The following PIK3R5 variants were observed in gnomAD, a reference collection of about 807,000 sequenced individuals.
PIK3R5 encodes the protein phosphoinositide 3-kinase regulatory subunit 5.
In PIK3R5, 32 loss-of-function variants were observed where a neutral mutation model predicts 94.9. That is an observed-to-expected ratio of 0.34 (90% CI 0.25 to 0.45). PIK3R5 has a LOEUF of 0.45. PIK3R5 is among the 20% of genes least tolerant of loss of function. PIK3R5 has a pLI of 1.00. For missense variants in PIK3R5, 853 were observed against 1,144.6 expected, an observed-to-expected ratio of 0.75 and a Z score of 3.68; for synonymous variants, 443 against 479.4, an observed-to-expected ratio of 0.92 and a Z score of 0.99.
In PIK3R5 at chr17:8,927,375, A is replaced by G. The variant is rs370415878; in HGVS notation, c.-13-15868T>C. Among the ~76,000 whole-genome samples the G allele has an allele frequency of 9.2e-5, 14 of 152,320 alleles. No individual in the cohort carries two copies. The East Asian group carries it at 1.7e-3, about 19-fold the overall frequency. On this transcript the variant is annotated intron_variant, in intron 1 of 18. Transcript: ENST00000447110. ...GGCCAGGCCGTAATGAGGTTCCCCA[A>G]ATCCCCTGCCATGGCCACTGTCTGA...
At position 8,882,127 on chromosome 17, in the gene PIK3R5, G is replaced by A. The variant is rs1246043500; in HGVS notation, c.2206-246C>T. 1.2e-5 allele frequency: 6 copies of A among 520,604 alleles called. No individual in the cohort carries two copies. Among genetic ancestry groups the A allele is most frequent in the Admixed American group, 3.2e-5 (1 of 31,360 alleles). The allele number at this position is 520,604 out of a possible 1,614,324, so 32.2% of individuals were successfully genotyped here. On this transcript the variant is annotated intron_variant, in intron 15 of 18. Transcript: ENST00000447110. The surrounding 1 kb of genome is among the most constrained non-coding windows in gnomAD (Gnocchi z 4.1). The stretch of plus-strand genomic sequence containing the variant: ...GACCAGGTTGAAAGGTACAAGAGCT[G>A]AGAGCACCTGCAGGGGTGGTCCTGA...
In PIK3R5 at chr17:8,888,343, G is replaced by C; in HGVS notation, c.1444C>G (p.Pro482Ala). 1 of 1,612,228 alleles carries C rather than the reference G, an allele frequency of 6.2e-7. No individual in the cohort carries two copies. Among genetic ancestry groups the C allele is most frequent in the Non-Finnish European group, 8.5e-7 (1 of 1,179,588 alleles). Residue 482 changes from proline (P) to alanine (A), a missense_variant, in exon 10 of 19, where the codon CCC becomes GCC. By Grantham distance (27) the Pro-to-Ala change is conservative (BLOSUM62 -1). Around this residue, in one of 6 missense-constraint regions of PIK3R5, gnomAD observed 319 missense variants for 339.8 expected, o/e 0.94. Coordinates refer to ENST00000447110, the MANE Select transcript of PIK3R5 (RefSeq NM_001142633.3). This position sits in a 1 kb window ranked among gnomAD's most constrained non-coding sequence, Gnocchi z 7.8. Reference protein sequence around the residue: ...RAQRSRSLPQPKLGTQLPSWL... With the variant: ...RAQRSRSLPQAKLGTQLPSWL... ...CTGGGCAGCTGGGTACCGAGTTTGG[G>C]CTGGGGCAGGGAGCGGGAGCGCTGG...
In PIK3R5 at chr17:8,893,741, A is replaced by G. The variant is rs1001496650; in HGVS notation, c.413-86T>C. The stretch of plus-strand genomic sequence containing the variant: ...CCTCGTGGGGAGCCAAGCACTGGAC[A>G]ATCAGGTTGGAAATTCCCGGATGGA... On this transcript the variant is annotated intron_variant, in intron 5 of 18. Coordinates refer to ENST00000447110, the MANE Select transcript of PIK3R5 (RefSeq NM_001142633.3). The surrounding 1 kb of genome is among the most constrained non-coding windows in gnomAD (Gnocchi z 5.1). 6.7e-6 allele frequency: 7 copies of G among 1,042,128 alleles called. No homozygotes were observed. The Admixed American group carries it at 7.3e-5, about 11-fold the overall frequency. The allele number at this position is 1,042,128 out of a possible 1,614,324, so 64.6% of individuals were successfully genotyped here. A position where few individuals can be genotyped will look rare whatever the true frequency, so the allele number is the denominator to read the frequency against.
chr17:8,888,317 G>C lies in PIK3R5; in HGVS notation c.1470C>G (p.Ser490Arg), dbSNP rs751172876. ...GGCGTGAAGCAGGGGCCAGAAGCCA[G>C]CTGGGCAGCTGGGTACCGAGTTTGG... ...PQPKLGTQLP[S>R]WLLAPASRPQ... The change falls in exon 10 of 19, where the codon AGC becomes AGG. Residue 490 changes from serine to arginine, a missense_variant. This residue lies in a region of PIK3R5 where 319 missense variants were observed against 339.8 expected (regional missense o/e 0.94). Transcript: ENST00000447110. This position sits in a 1 kb window ranked among gnomAD's most constrained non-coding sequence, Gnocchi z 7.8. 1 of 1,612,872 alleles carries C rather than the reference G, an allele frequency of 6.2e-7. No homozygotes were observed. Among genetic ancestry groups the C allele is most frequent in the Non-Finnish European group, 8.5e-7 (1 of 1,179,744 alleles).
intron 1 of PIK3R5, among the ~76,000 whole-genome samples, chr17:8,913,332 G>A (rs750688280): frequency 5.9e-5 from 9 of 152,180 alleles, no homozygotes; most frequent in East Asian, 1.9e-4. Context: ...ATGCCAGGGC[G>A]CCGGGCTGGC....
intron 1 of PIK3R5, among the ~76,000 whole-genome samples, chr17:8,958,748 T>C (rs2091506530): frequency 6.6e-6 from 1 of 151,862 alleles, no homozygotes; most frequent in Non-Finnish European, 1.5e-5. Flanking sequence ...ACACCTTTTT[T>C]TTTCTCTCTC....
chr17:8,905,708 G>T lies in PIK3R5; in HGVS notation c.234C>A (p.Leu78=). 1 of 1,606,424 alleles carries T rather than the reference G, an allele frequency of 6.2e-7. No homozygotes were observed. Among genetic ancestry groups the T allele is most frequent in the South Asian group, 1.1e-5 (1 of 89,152 alleles). ...AATAGAAGAGCAGGGCCAGCGGGGTGAGCAGGTCGTAGGTGCCCTTCTCCT... is the reference window on the plus strand; with the variant it reads ...AATAGAAGAGCAGGGCCAGCGGGGTTAGCAGGTCGTAGGTGCCCTTCTCCT... ...EVQEKGTYDL[L]TPLALLFYST... The change falls in exon 4 of 19, where the codon CTC becomes CTA. Residue 78 remains leucine (L), a synonymous_variant. Coordinates refer to ENST00000447110, the MANE Select transcript of PIK3R5 (RefSeq NM_001142633.3).
At chr17:8,919,605 T>C (rs2090693618) in intron 1 of PIK3R5, among the ~76,000 whole-genome samples, 1 of 152,220 alleles carries the variant, frequency 6.6e-6, no homozygotes, top group South Asian at 2.1e-4. Context: ...AACATCTTGA[T>C]GACCACCTCA....
At position 8,911,651 on chromosome 17, in the gene PIK3R5, G is replaced by A. The variant is rs1430276943; in HGVS notation, c.-13-144C>T. The A allele has an allele frequency of 6.7e-6, 4 of 599,252 alleles. No individual in the cohort carries two copies. The highest frequency in any genetic ancestry group is 6.0e-5 in the South Asian group (3 of 50,228). 37.1% of individuals were successfully genotyped at this position (599,252 alleles called of 1,614,324 possible). A position where few individuals can be genotyped will look rare whatever the true frequency, so the allele number is the denominator to read the frequency against. ...AGGTGCTGTGGAAACAGGACCAGGG[G>A]CCTTACAGCTGCCTCCAGGGTAGGA... On this transcript the variant is annotated intron_variant, in intron 1 of 18. Coordinates refer to ENST00000447110, the MANE Select transcript of PIK3R5 (RefSeq NM_001142633.3). The surrounding 1 kb of genome is among the most constrained non-coding windows in gnomAD (Gnocchi z 5.3).
chr17:8,931,975 A>T (rs995273824), intron 1 of PIK3R5, among the ~76,000 whole-genome samples: 1 of 152,230 alleles, frequency 6.6e-6, no homozygotes, highest in African/African-American at 2.4e-5. Context: ...AAGAAAAACA[A>T]GAAAATCCAG....
In PIK3R5 at chr17:8,896,430, A is replaced by G. The variant is rs2090155348; in HGVS notation, c.413-2775T>C. 6.6e-6 allele frequency among the ~76,000 whole-genome samples: 1 copy of G among 152,142 alleles called. No individual in the cohort carries two copies. Among genetic ancestry groups the G allele is most frequent in the South Asian group, 2.1e-4 (1 of 4,820 alleles). On this transcript the variant is annotated intron_variant, in intron 5 of 18. Transcript: ENST00000447110. This position sits in a 1 kb window ranked among gnomAD's most constrained non-coding sequence, Gnocchi z 4.0. ...CAACTTTCTGAGTTTAGCTTCTTAGATCAAGATTGGTGCAAGGGCTAAACA... is the reference window on the plus strand; with the variant it reads ...CAACTTTCTGAGTTTAGCTTCTTAGGTCAAGATTGGTGCAAGGGCTAAACA...
Position 8,880,633 on chromosome 17 carries a change from C to A in PIK3R5, c.*6G>T. ...GGCTTCTGTCCAGTCTGGCGCTGGGCCCACACTAGGGCAGAGCTCCACTGA... is the reference window on the plus strand; with the variant it reads ...GGCTTCTGTCCAGTCTGGCGCTGGGACCACACTAGGGCAGAGCTCCACTGA... On this transcript the variant is annotated 3_prime_UTR_variant, in exon 19 of 19. Transcript: ENST00000447110. 1 of 1,600,316 alleles carries A rather than the reference C, an allele frequency of 6.2e-7. No homozygotes were observed. The highest frequency in any genetic ancestry group is 8.5e-7 in the Non-Finnish European group (1 of 1,173,464).
At chr17:8,939,224 G>A (rs1353780800) in intron 1 of PIK3R5, among the ~76,000 whole-genome samples, 1 of 152,138 alleles carries the variant, frequency 6.6e-6, no homozygotes, top group African/African-American at 2.4e-5. Context: ...CAGGCCTGCC[G>A]AACACCAAAG....
Position 8,884,878 on chromosome 17 carries a change from C to G in PIK3R5, c.2129-95G>C. On this transcript the variant is annotated intron_variant, in intron 14 of 18. Transcript: ENST00000447110. The surrounding 1 kb of genome is among the most constrained non-coding windows in gnomAD (Gnocchi z 5.8). Reference sequence around the variant, plus strand: ...GCCTCCCTGGGCCTTACCTCCCCATCCCCTACCACATGGACCGTGACTCCC... The same window carrying G: ...GCCTCCCTGGGCCTTACCTCCCCATGCCCTACCACATGGACCGTGACTCCC... The G allele has an allele frequency of 4.1e-6, 4 of 971,232 alleles. No individual in the cohort carries two copies. The highest frequency in any genetic ancestry group is 6.5e-6 in the Non-Finnish European group (4 of 612,772). The allele number at this position is 971,232 out of a possible 1,614,324, so 60.2% of individuals were successfully genotyped here.
At chr17:8,901,991 T>C (rs937944865) in intron 5 of PIK3R5, among the ~76,000 whole-genome samples, 1 of 152,146 alleles carries the variant, frequency 6.6e-6, no homozygotes, top group Non-Finnish European at 1.5e-5. Context: ...TGCTTTCTGA[T>C]GCTTTAGCAA....
intron 1 of PIK3R5, among the ~76,000 whole-genome samples, chr17:8,931,488 A>G (rs2090986591): frequency 6.6e-6 from 1 of 152,150 alleles, no homozygotes; most frequent in African/African-American, 2.4e-5. Flanking sequence ...GAGCCTCTTG[A>G]TTTCGCTGGG....
In PIK3R5 at chr17:8,904,726, C is replaced by A; in HGVS notation, c.412+51G>T. 6.3e-7 allele frequency: 1 copy of A among 1,588,544 alleles called. No homozygotes were observed. The highest frequency in any genetic ancestry group is 8.6e-7 in the Non-Finnish European group (1 of 1,161,444). Reference sequence around the variant, plus strand: ...AAAACAGTTTCAGAGGAGTTGGAAGCATTCTGACCTTCTGAGCCCTGTCCC... The same window carrying A: ...AAAACAGTTTCAGAGGAGTTGGAAGAATTCTGACCTTCTGAGCCCTGTCCC... On this transcript the variant is annotated intron_variant, in intron 5 of 18. Coordinates refer to ENST00000447110, the MANE Select transcript of PIK3R5 (RefSeq NM_001142633.3). The surrounding 1 kb of genome is among the most constrained non-coding windows in gnomAD (Gnocchi z 5.1).
At position 8,911,661 on chromosome 17, in the gene PIK3R5, T is replaced by G; in HGVS notation, c.-13-154A>C. The G allele has an allele frequency of 1.7e-6, 1 of 586,266 alleles. No homozygotes were observed. 36.3% of individuals were successfully genotyped at this position (586,266 alleles called of 1,614,324 possible). A position where few individuals can be genotyped will look rare whatever the true frequency, so the allele number is the denominator to read the frequency against. ...GAAACAGGACCAGGGGCCTTACAGC[T>G]GCCTCCAGGGTAGGAATGGCATCTG... is the stretch of plus-strand genomic sequence containing the variant. On this transcript the variant is annotated intron_variant, in intron 1 of 18. Coordinates refer to ENST00000447110, the MANE Select transcript of PIK3R5 (RefSeq NM_001142633.3). The surrounding 1 kb of genome is among the most constrained non-coding windows in gnomAD (Gnocchi z 5.3).
rs758111706 is a variant in PIK3R5 at position 8,888,215 on chromosome 17, G to A, written c.1572C>T (p.Ser524=). Residue 524 remains serine (S), a synonymous_variant, in exon 10 of 19, where the codon TCC becomes TCT. Transcript: ENST00000447110. The surrounding 1 kb of genome is among the most constrained non-coding windows in gnomAD (Gnocchi z 7.8). Reference sequence around the variant, plus strand: ...GAGCCACCTTCCCTGAAATCCGATCGGAGCCAAAGACCACAACACGTAGCG... The same window carrying A: ...GAGCCACCTTCCCTGAAATCCGATCAGAGCCAAAGACCACAACACGTAGCG... ...ASTLRVVVFG[S]DRISGKVARA... 1.9e-5 allele frequency: 31 copies of A among 1,613,278 alleles called. No individual in the cohort carries two copies. The highest frequency in any genetic ancestry group is 3.3e-4 in the Middle Eastern group (2 of 6,084).
Sources: gnomAD v4.1 joint callset for allele counts (sites outside exome capture counted in the v4.1 genomes callset) on GRCh38, gnomAD v4.1.1 for gene constraint, gnomAD v4.1.1 regional missense constraint, Gnocchi (gnomAD v3.1) non-coding constraint, MANE v1.5 for transcripts, NCBI Gene and HGNC (gene_info 2026-07-23, HGNC 2026-07-21) for gene names.